KCNA3: variants seen among roughly 807,000 people sequenced by gnomAD.
KCNA3 encodes potassium voltage-gated channel subfamily A member 3, also known as RP11-284N8.3.
Under a neutral mutation model 34.3 loss-of-function variants are expected in KCNA3, and 18 were observed. The ratio of observed to expected loss-of-function variants is 0.52; its 90% CI spans 0.36 to 0.78. KCNA3 has a LOEUF of 0.78. KCNA3 is among the 30% of genes least tolerant of loss of function. The probability of loss-of-function intolerance (pLI) is 0.00; values close to 1 mark genes in which losing one functional copy is unlikely to be tolerated. For synonymous variants in KCNA3, 324 were observed against 351.7 expected, an observed-to-expected ratio of 0.92 and a Z score of 0.88; for missense variants, 587 against 802.5, an observed-to-expected ratio of 0.73 and a Z score of 3.24.
chr1:110,656,480 A>G, the KCNA3 span: 1 of 152,240 alleles, frequency 6.6e-6, no homozygotes, highest in African/African-American at 2.4e-5. Context: ...TGAAAACATT[A>G]TAGAATTCTC....
downstream of KCNA3, among the ~76,000 whole-genome samples, chr1:110,669,078 G>A (rs1651790090): frequency 1.3e-5 from 2 of 152,142 alleles, no homozygotes; most frequent in African/African-American, 4.8e-5. Context: ...GTTAGGTAAG[G>A]CAATAATGTC....
At position 110,672,764 on chromosome 1, in the gene KCNA3, C is replaced by T; in HGVS notation, c.*318G>A. ...AGTTACTCTAACTGTTCTTTAGTTT[C>T]ATTTCCTCCCAGGATGTACTGCTCT... On this transcript the variant is annotated 3_prime_UTR_variant, in exon 1 of 1. Transcript: ENST00000369769. 7.8e-6 allele frequency: 2 copies of T among 255,516 alleles called. No individual in the cohort carries two copies. Among genetic ancestry groups the T allele is most frequent in the Non-Finnish European group, 1.5e-5 (2 of 134,020 alleles). The allele number at this position is 255,516 out of a possible 1,614,324, so 15.8% of individuals were successfully genotyped here.
the KCNA3 span, among the ~76,000 whole-genome samples, chr1:110,665,725 TAAG>T: frequency 3.3e-5 from 5 of 152,190 alleles, no homozygotes; most frequent in African/African-American, 4.8e-5. Context: ...TAAATAAGAT[TAAG>T]AAGGAGAGGC....
At chr1:110,670,735 T>TA (rs1184557768), downstream of KCNA3, among the ~76,000 whole-genome samples, 2 of 152,280 alleles carry the variant, frequency 1.3e-5, no homozygotes, top group Admixed American at 6.5e-5. Flanking sequence ...AAATATATGA[T>TA]AAAAAACAAA....
the KCNA3 span, among the ~76,000 whole-genome samples, chr1:110,666,304 C>T: frequency 1.3e-5 from 2 of 151,908 alleles, no homozygotes; most frequent in African/African-American, 4.8e-5. Context: ...ATGAGAGATG[C>T]CTTGGAGGAG....
At position 110,673,769 on chromosome 1, in the gene KCNA3, C is replaced by G; in HGVS notation, c.1041G>C (p.Leu347=). The change falls in exon 1 of 1, where the codon CTG becomes CTC. Residue 347 remains leucine, a synonymous_variant. Transcript: ENST00000369769. This position sits in a 1 kb window ranked among gnomAD's most constrained non-coding sequence, Gnocchi z 8.8. The stretch of plus-strand genomic sequence containing the variant: ...GCTGTCCATTGCCCTGTCGTTCGGC[C>G]AGCTCGGTACCCAGAGTGATAAAAT... ...IPYFITLGTE[L]AERQGNGQQA... The G allele has an allele frequency of 6.2e-7, 1 of 1,614,172 alleles. No homozygotes were observed. Among genetic ancestry groups the G allele is most frequent in the Non-Finnish European group, 8.5e-7 (1 of 1,180,038 alleles).
chr1:110,668,745 A>G (rs925930872), downstream of KCNA3, among the ~76,000 whole-genome samples: 2 of 152,184 alleles, frequency 1.3e-5, no homozygotes, highest in Non-Finnish European at 2.9e-5. Flanking sequence ...TAAGGCATAT[A>G]CATTTTTCCC....
Position 110,673,950 on chromosome 1 carries a change from CCTG to C in KCNA3, c.857_859del (p.Ala286del). On this transcript the variant is annotated inframe_deletion, in exon 1 of 1. Coordinates refer to ENST00000369769, the MANE Select transcript of KCNA3 (RefSeq NM_002232.5). This position sits in a 1 kb window ranked among gnomAD's most constrained non-coding sequence, Gnocchi z 8.8. ...GAAGGGATCGGAGAAGCTGGAGGCT[CCTG>C]CGCGGGACCCCGACGTGCTGTTGCC... The C allele has an allele frequency of 6.2e-7, 1 of 1,614,004 alleles. No individual in the cohort carries two copies. The highest frequency in any genetic ancestry group is 8.5e-7 in the Non-Finnish European group (1 of 1,180,004).
At chr1:110,659,380 A>G in the KCNA3 span, among the ~76,000 whole-genome samples, 1 of 152,212 alleles carries the variant, frequency 6.6e-6, no homozygotes, top group South Asian at 2.1e-4. Flanking sequence ...CGAATCCTCC[A>G]ACTTCAGAGT....
the KCNA3 span, among the ~76,000 whole-genome samples, chr1:110,658,104 C>A: frequency 7.9e-5 from 12 of 152,294 alleles, no homozygotes; most frequent in South Asian, 2.5e-3. Context: ...AAATTACCAG[C>A]AGATTGTGAG....
chr1:110,667,896 G>A (rs951448518), downstream of KCNA3, among the ~76,000 whole-genome samples: 10 of 152,088 alleles, frequency 6.6e-5, no homozygotes, highest in Non-Finnish European at 7.4e-5. Context: ...ATTATCATAT[G>A]CTATATAGCA....
chr1:110,666,819 A>T, the KCNA3 span, among the ~76,000 whole-genome samples: 2 of 152,196 alleles, frequency 1.3e-5, no homozygotes, highest in Admixed American at 6.5e-5. Flanking sequence ...TGATAGGTTG[A>T]GTATATTTAC....
Position 110,673,848 on chromosome 1 carries a change from G to T in KCNA3, c.962C>A (p.Ala321Asp). ...LVRFFACPSKATFSRNIMNLI... is the reference protein window; with the variant it reads ...LVRFFACPSKDTFSRNIMNLI... Reference sequence around the variant, plus strand: ...GTTCATGATGTTTCGCGAGAAGGTGGCTTTGCTAGGACAAGCGAAGAACCG... The same window carrying T: ...GTTCATGATGTTTCGCGAGAAGGTGTCTTTGCTAGGACAAGCGAAGAACCG... Residue 321 changes from alanine to aspartate, a missense_variant, in exon 1 of 1, where the codon GCC becomes GAC. Ala to Asp is a moderately radical substitution (Grantham distance 126). Transcript: ENST00000369769. This position sits in a 1 kb window ranked among gnomAD's most constrained non-coding sequence, Gnocchi z 8.8. 1 of 1,614,142 alleles carries T rather than the reference G, an allele frequency of 6.2e-7. No homozygotes were observed. The highest frequency in any genetic ancestry group is 8.5e-7 in the Non-Finnish European group (1 of 1,180,026).
chr1:110,674,928 T>TC lies in KCNA3; in HGVS notation c.-120dup, dbSNP rs1652038584. 2.0e-5 allele frequency: 24 copies of TC among 1,209,328 alleles called. No homozygotes were observed. In the South Asian group the frequency reaches 7.3e-4, roughly 37 times the overall value. 74.9% of individuals were successfully genotyped at this position (1,209,328 alleles called of 1,614,324 possible). A position where few individuals can be genotyped will look rare whatever the true frequency, so the allele number is the denominator to read the frequency against. ...CCTGTTGCAGCCAAAGCCGCGATGC[T>TC]CTGTCTGGGTCTGGCGCGGTCAGCC... On this transcript the variant is annotated 5_prime_UTR_variant, in exon 1 of 1. Coordinates refer to ENST00000369769, the MANE Select transcript of KCNA3 (RefSeq NM_002232.5). The surrounding 1 kb of genome is among the most constrained non-coding windows in gnomAD (Gnocchi z 6.4).
At chr1:110,654,929 T>C in the KCNA3 span, 1 of 152,136 alleles carries the variant, frequency 6.6e-6, no homozygotes, top group Non-Finnish European at 1.5e-5. Flanking sequence ...ATAAAGATTT[T>C]CAATGCTAAA....
At position 110,673,957 on chromosome 1, in the gene KCNA3, G is replaced by C. The variant is rs543492829; in HGVS notation, c.853C>G (p.Arg285Gly). The change falls in exon 1 of 1, where the codon CGC becomes GGC. Residue 285 changes from arginine to glycine, a missense_variant. Coordinates refer to ENST00000369769, the MANE Select transcript of KCNA3 (RefSeq NM_002232.5). The surrounding 1 kb of genome is among the most constrained non-coding windows in gnomAD (Gnocchi z 8.8). ...EAAGNSTSGS[R>G]AGASSFSDPF... ...TCGGAGAAGCTGGAGGCTCCTGCGC[G>C]GGACCCCGACGTGCTGTTGCCGGCT... 1.1e-4 allele frequency: 172 copies of C among 1,613,844 alleles called. No individual in the cohort carries two copies. The highest frequency in any genetic ancestry group is 1.3e-4 in the African/African-American group (10 of 74,922).
At chr1:110,657,277 C>A in the KCNA3 span, among the ~76,000 whole-genome samples, 1 of 152,082 alleles carries the variant, frequency 6.6e-6, no homozygotes, top group African/African-American at 2.4e-5. Flanking sequence ...GAACTCCTGA[C>A]ACCTTGTGAT....
At chr1:110,670,007 C>G (rs1651826682), downstream of KCNA3, among the ~76,000 whole-genome samples, 2 of 152,176 alleles carry the variant, frequency 1.3e-5, no homozygotes, top group South Asian at 4.1e-4. Context: ...TTAACATTTA[C>G]TATTCACAAT....
downstream of KCNA3, among the ~76,000 whole-genome samples, chr1:110,668,982 T>C (rs1651787244): frequency 6.6e-6 from 1 of 152,186 alleles, no homozygotes; most frequent in Non-Finnish European, 1.5e-5. Flanking sequence ...ATTTAAGAAC[T>C]GAGAGAAGGG....
Sources: allele counts gnomAD v4.1 joint callset (sites outside exome capture counted in the v4.1 genomes callset), GRCh38; gene constraint gnomAD v4.1.1; non-coding constraint Gnocchi (gnomAD v3.1); transcripts MANE v1.5; gene names NCBI Gene and HGNC (gene_info 2026-07-23, HGNC 2026-07-21).